The following RASGRF2 variants were observed in gnomAD, a reference collection of about 807,000 sequenced individuals.
The protein encoded by RASGRF2 is ras-specific guanine nucleotide-releasing factor 2.
Under a neutral mutation model 151.0 loss-of-function variants are expected in RASGRF2, and 76 were observed. That is an observed-to-expected ratio of 0.50 (90% confidence interval 0.42 to 0.61). The LOEUF (loss-of-function observed/expected upper bound fraction) is 0.61. RASGRF2 is among the 20% of genes least tolerant of loss of function. The pLI is 0.00. For missense variants in RASGRF2, 1,148 were observed against 1,564.6 expected, an observed-to-expected ratio of 0.73 and a Z score of 4.49; for synonymous variants, 504 against 566.5, an observed-to-expected ratio of 0.89 and a Z score of 1.57.
In RASGRF2 at chr5:81,225,854, C is replaced by A; in HGVS notation, c.*84C>A. The A allele has an allele frequency of 7.1e-7, 1 of 1,406,656 alleles. No homozygotes were observed. The highest frequency in any genetic ancestry group is 9.5e-7 in the Non-Finnish European group (1 of 1,048,290). 87.1% of individuals were successfully genotyped at this position (1,406,656 alleles called of 1,614,324 possible). ...TGTGTATGCCTTGCCTATCACGGTA[C>A]AGCACGAAGCCAGGCTCCTTTCTCC... On this transcript the variant is annotated 3_prime_UTR_variant, in exon 27 of 27. Transcript: ENST00000265080.
At chr5:81,047,291 G>A (rs1303755427) in intron 2 of RASGRF2, among the ~76,000 whole-genome samples, 5 of 152,228 alleles carry the variant, frequency 3.3e-5, no homozygotes, top group African/African-American at 1.2e-4. Flanking sequence ...CCAGGGGGCT[G>A]ATAGAGAAGT....
chr5:80,972,890 G>T (rs1747985033), intron 1 of RASGRF2, among the ~76,000 whole-genome samples: 1 of 152,088 alleles, frequency 6.6e-6, no homozygotes, highest in Non-Finnish European at 1.5e-5. Context: ...TACCATTTCT[G>T]TACATCAAAA....
At chr5:81,116,158 C>G (rs1753150162) in intron 15 of RASGRF2, among the ~76,000 whole-genome samples, 1 of 132,680 alleles carries the variant, frequency 7.5e-6, no homozygotes, top group African/African-American at 2.8e-5. Flanking sequence ...TCTTGACTCA[C>G]TGCAACCTCT....
chr5:81,044,486 G>A (rs958860929), intron 2 of RASGRF2, among the ~76,000 whole-genome samples: 2 of 151,960 alleles, frequency 1.3e-5, no homozygotes, highest in African/African-American at 2.4e-5. Flanking sequence ...AACCCTTGAC[G>A]CTTTCTCTGA....
chr5:81,003,733 A>C (rs1319616560), intron 1 of RASGRF2, among the ~76,000 whole-genome samples: 3 of 152,228 alleles, frequency 2.0e-5, no homozygotes. Flanking sequence ...AATATTAATA[A>C]AATGTTTACT....
At chr5:81,032,927 C>G (rs1020800711) in intron 1 of RASGRF2, among the ~76,000 whole-genome samples, 1 of 152,198 alleles carries the variant, frequency 6.6e-6, no homozygotes, top group Non-Finnish European at 1.5e-5. Context: ...TCTCCTTAAG[C>G]TGATAAGCAA....
chr5:80,989,171 A>G (rs1748570080), intron 1 of RASGRF2, among the ~76,000 whole-genome samples: 1 of 152,056 alleles, frequency 6.6e-6, no homozygotes, highest in South Asian at 2.1e-4. Flanking sequence ...GGGTTTCTCC[A>G]TGTTGGCCAG....
intron 12 of RASGRF2, among the ~76,000 whole-genome samples, chr5:81,103,710 A>G (rs941209382): frequency 2.0e-5 from 3 of 151,010 alleles, no homozygotes; most frequent in Admixed American, 1.3e-4. Flanking sequence ...AAAGGTAAAA[A>G]GACAGATTGC....
At chr5:81,134,200 T>C (rs1411782969) in intron 17 of RASGRF2, among the ~76,000 whole-genome samples, 2 of 152,114 alleles carry the variant, frequency 1.3e-5, no homozygotes, top group Non-Finnish European at 1.5e-5. Context: ...ATGGATTTCA[T>C]GATTATTTGA....
intron 18 of RASGRF2, among the ~76,000 whole-genome samples, chr5:81,183,513 T>TG (rs1172512625): frequency 6.6e-6 from 1 of 152,168 alleles, no homozygotes. Flanking sequence ...AGTTAATATT[T>TG]GGGGAGGCTA....
chr5:81,106,774 A>G (rs1263646441), intron 12 of RASGRF2, among the ~76,000 whole-genome samples: 7 of 152,158 alleles, frequency 4.6e-5, no homozygotes, highest in Non-Finnish European at 1.0e-4. Context: ...GACTCTACAT[A>G]ACTGGACACA....
chr5:81,180,511 G>T (rs556208961), intron 18 of RASGRF2, among the ~76,000 whole-genome samples: 2 of 152,188 alleles, frequency 1.3e-5, no homozygotes, highest in African/African-American at 4.8e-5. Flanking sequence ...GTGAAACGGG[G>T]CTCCTCTGTC....
chr5:81,159,016 A>G (rs932130984), intron 17 of RASGRF2, among the ~76,000 whole-genome samples: 1 of 152,232 alleles, frequency 6.6e-6, no homozygotes, highest in Admixed American at 6.5e-5. Context: ...ATTATTCATA[A>G]TGGCCCCAAA....
At chr5:80,973,913 T>C (rs1748024343) in intron 1 of RASGRF2, among the ~76,000 whole-genome samples, 1 of 152,162 alleles carries the variant, frequency 6.6e-6, no homozygotes, top group African/African-American at 2.4e-5. Flanking sequence ...AGCTGACCAG[T>C]AATAATCCGA....
At chr5:81,202,108 T>C (rs1179914898) in intron 19 of RASGRF2, among the ~76,000 whole-genome samples, 1 of 152,168 alleles carries the variant, frequency 6.6e-6, no homozygotes, top group East Asian at 1.9e-4. Flanking sequence ...TATAGCTTCT[T>C]GAACTGGTGG....
chr5:81,105,783 A>G (rs1210001604), intron 12 of RASGRF2, among the ~76,000 whole-genome samples: 2 of 151,974 alleles, frequency 1.3e-5, no homozygotes, highest in Non-Finnish European at 2.9e-5. Flanking sequence ...TCCCCATCCA[A>G]TCCTTTTCCT....
chr5:81,223,765 G>GA (rs1254722453), intron 26 of RASGRF2, among the ~76,000 whole-genome samples: 1 of 151,798 alleles, frequency 6.6e-6, no homozygotes. Flanking sequence ...GGCACTCAAA[G>GA]AAAGTGCCAG....
At chr5:81,027,640 G>A (rs1212601288) in intron 1 of RASGRF2, among the ~76,000 whole-genome samples, 2 of 152,218 alleles carry the variant, frequency 1.3e-5, no homozygotes, top group Non-Finnish European at 2.9e-5. Flanking sequence ...AAACATTAGT[G>A]AAGGATGAAA....
chr5:81,044,290 C>T (rs530731225), intron 2 of RASGRF2, among the ~76,000 whole-genome samples: 5 of 152,048 alleles, frequency 3.3e-5, no homozygotes, highest in Admixed American at 6.5e-5. Context: ...TGGTGGCACA[C>T]GCCTGTAGTC....
Sources: allele counts gnomAD v4.1 joint callset (sites outside exome capture counted in the v4.1 genomes callset), GRCh38; gene constraint gnomAD v4.1.1; transcripts MANE v1.5; gene names NCBI Gene and HGNC (gene_info 2026-07-23, HGNC 2026-07-21).